Variants in CPM observed in about 807,000 individuals in gnomAD.
CPM encodes renal carboxypeptidase.
In CPM, 35 loss-of-function variants were observed where a neutral mutation model predicts 46.4. The ratio of observed to expected loss-of-function variants is 0.75; its 90% CI spans 0.58 to 1.00. The LOEUF is 1.00. Among genes scored for constraint, CPM ranks in the 50% least tolerant of loss-of-function variants. The probability of loss-of-function intolerance (pLI) is 0.00; values close to 1 mark genes in which losing one functional copy is unlikely to be tolerated. For missense variants in CPM, 422 were observed against 530.4 expected (o/e 0.80, Z 2.01); for synonymous variants, 195 against 195.3 (o/e 1.00, Z 0.01).
intron 2 of CPM, among the ~76,000 whole-genome samples, chr12:68,916,070 C>A (rs1248426159): frequency 1.3e-5 from 2 of 152,200 alleles, no homozygotes; most frequent in Non-Finnish European, 2.9e-5. Flanking sequence ...AGGTTACGTT[C>A]CCTCTCATGT....
intron 3 of CPM, among the ~76,000 whole-genome samples, chr12:68,881,752 A>G (rs1291737968): frequency 6.8e-6 from 1 of 147,154 alleles, no homozygotes; most frequent in Non-Finnish European, 1.5e-5. Context: ...AGACAGTCTC[A>G]CTCTGTCGCC....
At chr12:68,954,433 C>G (rs1203673998) in intron 1 of CPM, among the ~76,000 whole-genome samples, 1 of 152,184 alleles carries the variant, frequency 6.6e-6, no homozygotes, top group Admixed American at 6.5e-5. Context: ...CTCCTTGAAG[C>G]ACTACCCTCT....
intron 2 of CPM, among the ~76,000 whole-genome samples, chr12:68,888,778 T>TAAGG (rs1456791871): frequency 1.3e-5 from 2 of 152,240 alleles, no homozygotes; most frequent in Non-Finnish European, 2.9e-5. Context: ...TCAGTATTTA[T>TAAGG]ATTCAGCAAC....
intron 1 of CPM, among the ~76,000 whole-genome samples, chr12:68,943,181 G>A (rs574970518): frequency 6.6e-6 from 1 of 152,252 alleles, no homozygotes; most frequent in East Asian, 1.9e-4. Flanking sequence ...CAGCTCTGTC[G>A]CTTACTGTGT....
intron 2 of CPM, among the ~76,000 whole-genome samples, chr12:68,892,279 TG>T (rs1377846853): frequency 6.6e-6 from 1 of 152,134 alleles, no homozygotes; most frequent in Non-Finnish European, 1.5e-5. Flanking sequence ...TGGCTTCTGT[TG>T]TTGAGGTTAT....
intron 3 of CPM, among the ~76,000 whole-genome samples, chr12:68,876,338 T>C (rs763821305): frequency 6.6e-6 from 1 of 152,218 alleles, no homozygotes; most frequent in African/African-American, 2.4e-5. Context: ...TCCTCCTTTC[T>C]TTTTGGGCCA....
At chr12:68,951,256 A>T (rs1888930725) in intron 1 of CPM, among the ~76,000 whole-genome samples, 1 of 152,236 alleles carries the variant, frequency 6.6e-6, no homozygotes, top group Non-Finnish European at 1.5e-5. Flanking sequence ...CAATGCTCAA[A>T]CTTCAACAGC....
intron 2 of CPM, among the ~76,000 whole-genome samples, chr12:68,919,622 A>G (rs1447460842): frequency 2.6e-5 from 4 of 152,236 alleles, no homozygotes; most frequent in Admixed American, 1.3e-4. Flanking sequence ...TTAGAAGTAC[A>G]TGTTCTTACA....
intron 2 of CPM, among the ~76,000 whole-genome samples, chr12:68,914,556 A>G (rs1016369939): frequency 1.8e-4 from 28 of 152,346 alleles, no homozygotes; most frequent in African/African-American, 6.7e-4. Context: ...GTAATTAATA[A>G]TAATTACAAT....
At chr12:68,890,955 C>G (rs1273401473) in intron 2 of CPM, among the ~76,000 whole-genome samples, 1 of 152,226 alleles carries the variant, frequency 6.6e-6, no homozygotes, top group African/African-American at 2.4e-5. Flanking sequence ...AGTTCTGGTA[C>G]ACAGAGTAAT....
At chr12:68,945,577 C>G (rs771239037) in intron 1 of CPM, among the ~76,000 whole-genome samples, 9 of 152,178 alleles carry the variant, frequency 5.9e-5, no homozygotes, top group Non-Finnish European at 1.0e-4. Context: ...TATGTATTCC[C>G]AGGTGCCTTG....
At chr12:68,896,886 A>C (rs1886895077) in intron 2 of CPM, among the ~76,000 whole-genome samples, 1 of 152,018 alleles carries the variant, frequency 6.6e-6, no homozygotes, top group African/African-American at 2.4e-5. Context: ...TCAGTTCCTA[A>C]ATTAGGGACA....
intron 2 of CPM, among the ~76,000 whole-genome samples, chr12:68,902,939 C>A (rs1313538713): frequency 6.6e-6 from 1 of 152,224 alleles, no homozygotes; most frequent in Non-Finnish European, 1.5e-5. Flanking sequence ...TCTCCCCACT[C>A]TACAAAAGTG....
chr12:68,919,655 A>G (rs1381834852), intron 2 of CPM, among the ~76,000 whole-genome samples: 1 of 152,220 alleles, frequency 6.6e-6, no homozygotes, highest in African/African-American at 2.4e-5. Flanking sequence ...GCCAAGTCCA[A>G]CTAAAAAGTT....
In CPM at chr12:68,858,940, C is replaced by T. The variant is rs1478619265; in HGVS notation, c.1072G>A (p.Gly358Arg). The stretch of plus-strand genomic sequence containing the variant: ...ATACTTACATTTATTATATAAGACC[C>T]AGGCAAGAGAAGGAGATAATACTCT... Reference protein sequence around the residue: ...YGEYYLLLLPGSYIINVTVPG... With the variant: ...YGEYYLLLLPRSYIINVTVPG... The change falls in exon 8 of 9, where the codon GGG becomes AGG. Residue 358 changes from glycine to arginine, a missense_variant. By Grantham distance (125) the Gly-to-Arg change is moderately radical. Transcript: ENST00000551568. The T allele has an allele frequency of 6.7e-7, 1 of 1,502,074 alleles. No homozygotes were observed. Among genetic ancestry groups the T allele is most frequent in the Non-Finnish European group, 8.9e-7 (1 of 1,124,554 alleles). The allele number at this position is 1,502,074 out of a possible 1,614,324, so 93.0% of individuals were successfully genotyped here. A position where few individuals can be genotyped will look rare whatever the true frequency, so the allele number is the denominator to read the frequency against.
chr12:68,925,835 A>C (rs554568392), intron 2 of CPM, among the ~76,000 whole-genome samples: 1 of 152,358 alleles, frequency 6.6e-6, no homozygotes, highest in South Asian at 2.1e-4. Context: ...AATATAATGC[A>C]AGTCATATAT....
At position 68,854,604 on chromosome 12, in the gene CPM, G is replaced by A. The variant is rs1884876316; in HGVS notation, c.*1833C>T. On this transcript the variant is annotated 3_prime_UTR_variant, in exon 9 of 9. Transcript: ENST00000551568. ...TTAAGAGGGGTAGGAAAGAAAAAATGTAGTGGGTCATAATGGCATTCCAGA... is the reference window on the plus strand; with the variant it reads ...TTAAGAGGGGTAGGAAAGAAAAAATATAGTGGGTCATAATGGCATTCCAGA... The A allele has an allele frequency of 6.6e-6, 1 of 152,210 alleles. No homozygotes were observed. The highest frequency in any genetic ancestry group is 1.5e-5 in the Non-Finnish European group (1 of 68,060). 9.4% of individuals were successfully genotyped at this position (152,210 alleles called of 1,614,324 possible).
In CPM at chr12:68,928,742, CT is replaced by C. The variant is rs398020021; in HGVS notation, c.160+3935del. Among the ~76,000 whole-genome samples the C allele has an allele frequency of 4.7e-3, 670 of 142,020 alleles. 1 individual carries two copies. Among genetic ancestry groups the C allele is most frequent in the Middle Eastern group, 0.014 (4 of 278 alleles). The allele number at this position is 142,020 out of a possible 152,430, so 93.2% of individuals were successfully genotyped here. On this transcript the variant is annotated intron_variant, in intron 2 of 8. Transcript: ENST00000551568. ...ACTTAGCAGGAGGCAAGACAAGATA[CT>C]TTTTTTTTTTTTTTGAGACAGGGTC... is the stretch of plus-strand genomic sequence containing the variant.
chr12:68,845,498 A>G (rs1181240470), intron 5 of CPM: 1 of 200,552 alleles, frequency 5.0e-6, no homozygotes, highest in Non-Finnish European at 1.0e-5. Flanking sequence ...TCAAATATTT[A>G]ACGTTAGAGT....
Sources: allele counts gnomAD v4.1 joint callset (sites outside exome capture counted in the v4.1 genomes callset), GRCh38; gene constraint gnomAD v4.1.1; transcripts MANE v1.5; gene names NCBI Gene and HGNC (gene_info 2026-07-23, HGNC 2026-07-21).